HUWE1: variants seen among roughly 807,000 people sequenced by gnomAD.
The protein encoded by HUWE1 is E3 ubiquitin-protein ligase HUWE1.
Under a neutral mutation model 299.4 loss-of-function variants are expected in HUWE1, and 18 were observed. The observed-to-expected ratio is 0.06, with a 90% CI of 0.04 to 0.09. The LOEUF is 0.09. HUWE1 is among the 10% of genes least tolerant of loss of function. HUWE1 has a pLI of 1.00. For missense variants in HUWE1, 1,832 were observed against 3,462.3 expected, an observed-to-expected ratio of 0.53 and a Z score of 11.82; for synonymous variants, 1,317 against 1,286.1, an observed-to-expected ratio of 1.02 and a Z score of -0.51.
intron 59 of HUWE1, among the ~76,000 whole-genome samples, chrX:53,558,194 T>C (rs1320034136): frequency 8.9e-6 from 1 of 111,798 alleles, no homozygotes; most frequent in African/African-American, 3.3e-5. Context: ...AAAAATGACA[T>C]GTGGTGATGG....
intron 3 of HUWE1, among the ~76,000 whole-genome samples, chrX:53,656,090 G>C (rs1482276758): frequency 1.9e-5 from 2 of 102,605 alleles, no homozygotes; most frequent in East Asian, 6.4e-4. Context: ...AAAAAACAAA[G>C]GCCAGGCAGG....
chrX:53,601,641 GA>G (rs2064848985), intron 28 of HUWE1, among the ~76,000 whole-genome samples: 1 of 106,888 alleles, frequency 9.4e-6, no homozygotes, highest in Non-Finnish European at 1.9e-5. Context: ...AATTGTGTAT[GA>G]TTTCTACTTA....
In HUWE1 at chrX:53,533,125, G is replaced by A; in HGVS notation, c.*184C>T. On this transcript the variant is annotated 3_prime_UTR_variant, in exon 84 of 84. Transcript: ENST00000262854. ...GAGAGAAGGTGAGGAAACAGGCGGC[G>A]GGGAGAGAATGAGAAGAGGAACAGG... 1.3e-5 allele frequency: 6 copies of A among 448,160 alleles called. No homozygotes were observed. Among genetic ancestry groups the A allele is most frequent in the East Asian group, 3.8e-5 (1 of 26,457 alleles). The allele number at this position is 448,160 out of a possible 1,213,427, so 36.9% of individuals were successfully genotyped here. A position where few individuals can be genotyped will look rare whatever the true frequency, so the allele number is the denominator to read the frequency against.
Position 53,594,631 on chromosome X carries a change from GA to G in HUWE1, c.3381-11del, listed in dbSNP as rs782385809. The stretch of plus-strand genomic sequence containing the variant: ...GATGAAGAATGTCAGCCTGAAAGTG[GA>G]AAAAAAGGCAAAACTTTAACCTTCT... On this transcript the variant is annotated splice_polypyrimidine_tract_variant and intron_variant, in intron 30 of 83. Coordinates refer to ENST00000262854, the MANE Select transcript of HUWE1 (RefSeq NM_031407.7). 1 of 1,207,129 alleles carries G rather than the reference GA, an allele frequency of 8.3e-7. No homozygotes were observed. Among genetic ancestry groups the G allele is most frequent in the Non-Finnish European group, 1.1e-6 (1 of 892,315 alleles).
chrX:53,611,728 C>A (rs1407811588), intron 23 of HUWE1, among the ~76,000 whole-genome samples: 1 of 109,444 alleles, frequency 9.1e-6, no homozygotes, highest in African/African-American at 3.3e-5. Flanking sequence ...CATGGTGGCA[C>A]GTGTCTGTAA....
rs1165325176 is a variant in HUWE1 at position 53,562,386 on chromosome X, T to C, written c.7205-142A>G. 2.7e-5 allele frequency: 21 copies of C among 781,391 alleles called. No individual in the cohort carries two copies. The Admixed American group carries it at 5.6e-4, about 21-fold the overall frequency. The allele number at this position is 781,391 out of a possible 1,213,427, so 64.4% of individuals were successfully genotyped here. On this transcript the variant is annotated intron_variant, in intron 53 of 83. Transcript: ENST00000262854. Reference sequence around the variant, plus strand: ...ACCAGATCTGGGGTGATGTACAGACTTAGTGAGCCAGACCCGATTTCCTGA... The same window carrying C: ...ACCAGATCTGGGGTGATGTACAGACCTAGTGAGCCAGACCCGATTTCCTGA...
In HUWE1 at chrX:53,536,306, A is replaced by G; in HGVS notation, c.12426-54T>C. On this transcript the variant is annotated intron_variant, in intron 79 of 83. Coordinates refer to ENST00000262854, the MANE Select transcript of HUWE1 (RefSeq NM_031407.7). ...GGTTTGCGAGTGGGGGGGAAGAAGG[A>G]GCACAAGGATGGGACACAAAAAGAC... 2.6e-6 allele frequency: 3 copies of G among 1,158,669 alleles called. No homozygotes were observed. In the Admixed American group the frequency reaches 6.5e-5, roughly 25 times the overall value.
intron 15 of HUWE1, 78 bp downstream of exon 15, chrX:53,628,415 C>T: frequency 9.7e-7 from 1 of 1,031,173 alleles, no homozygotes; most frequent in South Asian, 2.3e-5. Flanking sequence ...CACTGTGAAA[C>T]ACCCCAAACT....
At chrX:53,682,155 C>T (rs1167304355) in intron 2 of HUWE1, among the ~76,000 whole-genome samples, 1 of 112,163 alleles carries the variant, frequency 8.9e-6, no homozygotes. Context: ...CATTCTTACA[C>T]CAAAAAGTAA....
intron 49 of HUWE1, among the ~76,000 whole-genome samples, chrX:53,566,131 G>GTA (rs782460583): frequency 1.8e-5 from 1 of 55,499 alleles, no homozygotes; most frequent in Non-Finnish European, 3.2e-5. Context: ...GTGTGTGTGT[G>GTA]TGTATATATA....
chrX:53,558,884 C>T, intron 58 of HUWE1, 75 bp from the exon 59 acceptor site: 1 of 1,181,794 alleles, frequency 8.5e-7, no homozygotes. Context: ...AGCTTGTAGC[C>T]ACAGAGAACC....
intron 21 of HUWE1, 84 bp from the exon 22 acceptor site, chrX:53,615,919 G>A (rs1157873675): frequency 4.2e-5 from 29 of 687,044 alleles, no homozygotes; most frequent in Non-Finnish European, 6.0e-5. Context: ...CATATAAAGT[G>A]GAAAGAAGAA....
intron 2 of HUWE1, among the ~76,000 whole-genome samples, chrX:53,685,867 A>G (rs1216761673): frequency 8.9e-6 from 1 of 111,927 alleles, no homozygotes; most frequent in African/African-American, 3.3e-5. Flanking sequence ...ACACAAACCC[A>G]TTCATTATGG....
chrX:53,644,173 G>T (rs1557033630), intron 7 of HUWE1, among the ~76,000 whole-genome samples: 3 of 112,018 alleles, frequency 2.7e-5, no homozygotes, highest in South Asian at 7.3e-4. Flanking sequence ...TTTTCTGTTG[G>T]TTAGCATCTG....
chrX:53,565,064 T>C lies in HUWE1; in HGVS notation c.6880+3A>G. ...CTCCAGTCCATTGGCTCTGATTCCC[T>C]ACCTGGGTCCTGCTGGTTGCTACTG... On this transcript the variant is annotated splice_donor_region_variant and intron_variant, in intron 50 of 83. Transcript: ENST00000262854. 8.3e-7 allele frequency: 1 copy of C among 1,210,113 alleles called. No individual in the cohort carries two copies. The highest frequency in any genetic ancestry group is 1.1e-6 in the Non-Finnish European group (1 of 893,838).
At position 53,598,153 on chromosome X, in the gene HUWE1, G is replaced by C. The variant is rs1375248075; in HGVS notation, c.3163+1965C>G. ...GAGTGCTTCTGAACCGATACCAGAT[G>C]ATGAGGAAGAAGATGTAGAAGCAGT... is the stretch of plus-strand genomic sequence containing the variant. On this transcript the variant is annotated intron_variant, in intron 29 of 83. Transcript: ENST00000262854. 3.6e-5 allele frequency among the ~76,000 whole-genome samples: 4 copies of C among 111,805 alleles called. No homozygotes were observed. The Admixed American group carries it at 3.8e-4, about 11-fold the overall frequency.
rs2066406993 is a variant in HUWE1 at position 53,625,256 on chromosome X, C to G, written c.1492G>C (p.Val498Leu). Residue 498 changes from valine (V) to leucine (L), a missense_variant and splice_region_variant, in exon 18 of 84, where the codon GTC (valine) becomes CTC (leucine). Val to Leu is a conservative substitution (Grantham distance 32). Coordinates refer to ENST00000262854, the MANE Select transcript of HUWE1 (RefSeq NM_031407.7). The stretch of plus-strand genomic sequence containing the variant: ...GCTGCTCGTTGTGGAATACACTGGA[C>G]TCCTGGCAATGAAGAAAGACAAAAG... ...GEEMETDMDG[V>L]QCIPQRAALL... 2.6e-5 allele frequency: 30 copies of G among 1,169,164 alleles called. No individual in the cohort carries two copies. The highest frequency in any genetic ancestry group is 3.5e-5 in the Non-Finnish European group (30 of 856,647).
At chrX:53,630,373 T>G (rs2066793393) in intron 12 of HUWE1, among the ~76,000 whole-genome samples, 1 of 111,827 alleles carries the variant, frequency 8.9e-6, no homozygotes, top group Non-Finnish European at 1.9e-5. Context: ...AGGTTTTCAT[T>G]TAATCTTTAG....
At chrX:53,558,526 A>G (rs782120565) in intron 59 of HUWE1, 129 bp downstream of exon 59, 14 of 658,197 alleles carry the variant, frequency 2.1e-5, no homozygotes, top group Non-Finnish European at 3.2e-5. Flanking sequence ...TGAATTTGAA[A>G]TAAAAAATTT....
Sources: gnomAD v4.1 joint callset for allele counts (sites outside exome capture counted in the v4.1 genomes callset) on GRCh38, gnomAD v4.1.1 for gene constraint, MANE v1.5 for transcripts, NCBI Gene and HGNC (gene_info 2026-07-23, HGNC 2026-07-21) for gene names.